DPP10: variants seen among roughly 807,000 people sequenced by gnomAD.
The protein encoded by DPP10 is inactive dipeptidyl peptidase 10.
DPP10 carries 33 observed loss-of-function variants against 120.9 expected under a neutral mutation model. That is an observed-to-expected ratio of 0.27 (90% CI 0.21 to 0.37). DPP10 has a LOEUF of 0.37. Among genes scored for constraint, DPP10 ranks in the 10% least tolerant of loss-of-function variants. The probability of loss-of-function intolerance (pLI) is 1.00; values close to 1 mark genes in which losing one functional copy is unlikely to be tolerated. For missense variants in DPP10, 816 were observed against 942.8 expected (o/e 0.87, Z 1.76); for synonymous variants, 337 against 326.1 (o/e 1.03, Z -0.36).
intron 1 of DPP10, among the ~76,000 whole-genome samples, chr2:114,666,985 T>C (rs753299340): frequency 1.3e-5 from 2 of 152,216 alleles, no homozygotes; most frequent in Admixed American, 6.5e-5. Flanking sequence ...AAGGGACAGA[T>C]AGTAATTTGT....
intron 1 of DPP10, among the ~76,000 whole-genome samples, chr2:115,143,241 C>T (rs1341548616): frequency 6.6e-6 from 1 of 152,116 alleles, no homozygotes; most frequent in Non-Finnish European, 1.5e-5. Context: ...AAACAATAGG[C>T]AGAAGGGTAC....
intron 1 of DPP10, among the ~76,000 whole-genome samples, chr2:114,888,917 C>T (rs905653717): frequency 6.6e-6 from 1 of 152,124 alleles, no homozygotes; most frequent in African/African-American, 2.4e-5. Context: ...CTCCCAAATT[C>T]GTGTGTTGAA....
At chr2:114,741,442 T>C (rs1678054179) in intron 1 of DPP10, among the ~76,000 whole-genome samples, 1 of 152,128 alleles carries the variant, frequency 6.6e-6, no homozygotes, top group South Asian at 2.1e-4. Flanking sequence ...GTGCTCTGGC[T>C]TAAAATTCTT....
chr2:114,725,876 C>G (rs1702008060), intron 1 of DPP10, among the ~76,000 whole-genome samples: 2 of 152,136 alleles, frequency 1.3e-5, no homozygotes, highest in Admixed American at 1.3e-4. Context: ...ACCGAAATGA[C>G]AAACCAAAAC....
chr2:115,007,080 A>T (rs1157367890), intron 1 of DPP10, among the ~76,000 whole-genome samples: 4 of 152,146 alleles, frequency 2.6e-5, no homozygotes, highest in Non-Finnish European at 5.9e-5. Context: ...AAAACTTCTC[A>T]ACTACATGGA....
chr2:114,970,371 T>C (rs115723007), intron 1 of DPP10, among the ~76,000 whole-genome samples: 2,518 of 152,286 alleles, frequency 0.017, 70 homozygotes, highest in African/African-American at 0.058. Context: ...ATGTAGCTGA[T>C]TCATATTTTA....
chr2:115,060,516 T>C lies in DPP10; in HGVS notation c.61-248723T>C, dbSNP rs533787244. 1.4e-4 allele frequency among the ~76,000 whole-genome samples: 21 copies of C among 152,256 alleles called. 2 individuals are homozygous for C. The South Asian group carries it at 4.1e-3, about 30-fold the overall frequency. ...ATGAGACGGAAGGATCCCTTGAGCC[T>C]GGAACTTCGAGACTGCAGTGAGCGG... is the stretch of plus-strand genomic sequence containing the variant. On this transcript the variant is annotated intron_variant, in intron 1 of 25. Coordinates refer to ENST00000410059, the MANE Select transcript of DPP10 (RefSeq NM_020868.6).
At chr2:115,524,492 C>T (rs1285806688) in intron 4 of DPP10, among the ~76,000 whole-genome samples, 2 of 152,090 alleles carry the variant, frequency 1.3e-5, no homozygotes, top group Non-Finnish European at 2.9e-5. Context: ...CCAATGCATC[C>T]ATATGTTTAC....
At chr2:115,105,378 T>C (rs1195321973) in intron 1 of DPP10, among the ~76,000 whole-genome samples, 1 of 151,252 alleles carries the variant, frequency 6.6e-6, no homozygotes, top group African/African-American at 2.4e-5. Flanking sequence ...TCAAGGAGCT[T>C]ACACTCATAG....
At chr2:115,791,382 T>C (rs763678490) in intron 19 of DPP10, 26 bp downstream of exon 19, 3 of 1,541,662 alleles carry the variant, frequency 1.9e-6, no homozygotes, top group Admixed American at 4.1e-5. Flanking sequence ...GTTTTTAAAA[T>C]AAAGGAATCT....
intron 4 of DPP10, among the ~76,000 whole-genome samples, chr2:115,508,112 T>A (rs934740600): frequency 2.6e-5 from 4 of 152,202 alleles, no homozygotes; most frequent in Admixed American, 6.5e-5. Context: ...TGTTTATGCA[T>A]GTTTTCTGTG....
chr2:115,743,364 T>C (rs2149705693), intron 9 of DPP10, among the ~76,000 whole-genome samples: 1 of 152,276 alleles, frequency 6.6e-6, no homozygotes, highest in African/African-American at 2.4e-5. Flanking sequence ...GCACAATTTT[T>C]ACTTTGTGAT....
At chr2:114,632,290 C>G (rs1265147788) in intron 1 of DPP10, among the ~76,000 whole-genome samples, 1 of 151,948 alleles carries the variant, frequency 6.6e-6, no homozygotes, top group Admixed American at 6.6e-5. Context: ...ATTGTGAGTA[C>G]TCTGCTCCCG....
At chr2:115,128,040 C>T (rs2050163881) in intron 1 of DPP10, among the ~76,000 whole-genome samples, 2 of 152,128 alleles carry the variant, frequency 1.3e-5, no homozygotes, top group Non-Finnish European at 2.9e-5. Flanking sequence ...ATGGTTTGTT[C>T]AGAATGCTAA....
At position 115,842,527 on chromosome 2, in the gene DPP10, A is replaced by T. The variant is rs1690258541; in HGVS notation, c.*182A>T. ...ACAAGTCCAAGTCTACTGTGTTGCT[A>T]GGGGTGCAGAACCCGTTTCTTTGTA... On this transcript the variant is annotated 3_prime_UTR_variant, in exon 26 of 26. Transcript: ENST00000410059. The T allele has an allele frequency of 3.2e-6, 2 of 619,746 alleles. No individual in the cohort carries two copies. Among genetic ancestry groups the T allele is most frequent in the East Asian group, 6.3e-5 (2 of 31,838 alleles). The allele number at this position is 619,746 out of a possible 1,614,324, so 38.4% of individuals were successfully genotyped here.
At chr2:114,928,608 G>A (rs974991739) in intron 1 of DPP10, among the ~76,000 whole-genome samples, 4 of 152,012 alleles carry the variant, frequency 2.6e-5, no homozygotes, top group African/African-American at 4.8e-5. Context: ...GAGGGTACAC[G>A]GTGCCAGTAG....
chr2:115,174,656 A>G lies in DPP10; in HGVS notation c.61-134583A>G, dbSNP rs551109198. On this transcript the variant is annotated intron_variant, in intron 1 of 25. Coordinates refer to ENST00000410059, the MANE Select transcript of DPP10 (RefSeq NM_020868.6). ...TGATTAGATAGTGCCCCAGTTTGAC[A>G]TTGAAAAGATGAATGTATAGTTATA... Among the ~76,000 whole-genome samples the G allele has an allele frequency of 6.5e-4, 99 of 152,330 alleles. 1 individual carries two copies. Among genetic ancestry groups the G allele is most frequent in the African/African-American group, 2.3e-3 (96 of 41,590 alleles).
At position 115,343,877 on chromosome 2, in the gene DPP10, T is replaced by C. The variant is rs570398108; in HGVS notation, c.236T>C (p.Phe79Ser). The change falls in exon 3 of 26, where the codon TTT becomes TCT. Residue 79 changes from phenylalanine to serine, a missense_variant. Phe to Ser is a radical substitution (Grantham distance 155). This residue lies in a region of DPP10 where 182 missense variants were observed against 207.4 expected (regional missense o/e 0.88). Transcript: ENST00000410059. ...TTGGAAGACCTCTTTAGGAAAGACT[T>C]TGTGCTTCACGATCCAGAGGCTCGG... ...LSLEDLFRKD[F>S]VLHDPEARWI... The C allele has an allele frequency of 1.2e-5, 19 of 1,612,304 alleles. No homozygotes were observed. Among genetic ancestry groups the C allele is most frequent in the Non-Finnish European group, 1.4e-5 (16 of 1,179,204 alleles).
intron 4 of DPP10, among the ~76,000 whole-genome samples, chr2:115,506,757 A>C (rs2076964699): frequency 6.6e-6 from 1 of 152,102 alleles, no homozygotes; most frequent in African/African-American, 2.4e-5. Context: ...TATATCTATC[A>C]ATCAATCAAC....
Sources: gnomAD v4.1 joint callset for allele counts (sites outside exome capture counted in the v4.1 genomes callset) on GRCh38, gnomAD v4.1.1 for gene constraint, gnomAD v4.1.1 regional missense constraint, MANE v1.5 for transcripts, NCBI Gene and HGNC (gene_info 2026-07-23, HGNC 2026-07-21) for gene names.